COL6A3: variants seen among roughly 807,000 people sequenced by gnomAD.
COL6A3 encodes collagen alpha-3(VI) chain.
COL6A3 carries 137 observed loss-of-function variants against 274.1 expected under a neutral mutation model. The ratio of observed to expected loss-of-function variants is 0.50; its 90% CI spans 0.44 to 0.58. COL6A3 has a LOEUF of 0.58. Ranked by LOEUF, COL6A3 falls within the 20% of genes least tolerant of loss-of-function variation. The pLI is 0.00. For missense variants in COL6A3, 3,950 were observed against 4,124.9 expected (o/e 0.96, Z 1.16); for synonymous variants, 1,650 against 1,650.6 (o/e 1.00, Z 0.01).
Position 237,381,282 on chromosome 2 carries a change from G to A in COL6A3, c.1530C>T (p.Thr510=), listed in dbSNP as rs373281009. The change falls in exon 5 of 44, where the codon ACC becomes ACT. Residue 510 remains threonine (T), a synonymous_variant. Transcript: ENST00000295550. ...CCAGGGGCTTCATTTTCCGCACAGC[G>A]GTTATGACTTCCCTTTTTGTTGGAT... ...NTHPTKREVI[T]AVRKMKPLDG... 42 of 1,614,222 alleles carry A rather than the reference G, an allele frequency of 2.6e-5. No individual in the cohort carries two copies. The highest frequency in any genetic ancestry group is 4.0e-5 in the African/African-American group (3 of 75,058).
rs755418747 is a variant in COL6A3, at chr2:237,374,501, A to G, written c.3590T>C (p.Val1197Ala). Residue 1197 changes from valine to alanine, a missense_variant, in exon 8 of 44, where the codon GTC becomes GCC. By Grantham distance (64) the Val-to-Ala change is moderately conservative (BLOSUM62 0). Around this residue, in one of 5 missense-constraint regions of COL6A3, gnomAD observed 1,934 missense variants for 1,984.3 expected, o/e 0.97. Transcript: ENST00000295550. The surrounding 1 kb of genome is among the most constrained non-coding windows in gnomAD (Gnocchi z 4.8). The stretch of plus-strand genomic sequence containing the variant: ...CACCCTCTCAGAGATGACCTGTTGG[A>G]CGGTCCCCAGCTGGCGAAAGGTGGG... ...AIPTFRQLGT[V>A]QQVISERVTQ... The G allele has an allele frequency of 1.2e-6, 2 of 1,614,096 alleles. No individual in the cohort carries two copies. The highest frequency in any genetic ancestry group is 1.7e-6 in the Non-Finnish European group (2 of 1,180,008).
In COL6A3 at chr2:237,346,522, G is replaced by C. The variant is rs2077100212; in HGVS notation, c.7073C>G (p.Pro2358Arg). 1.2e-6 allele frequency: 2 copies of C among 1,614,062 alleles called. No individual in the cohort carries two copies. Among genetic ancestry groups the C allele is most frequent in the Non-Finnish European group, 1.7e-6 (2 of 1,179,956 alleles). The change falls in exon 32 of 44, where the codon CCT becomes CGT. Residue 2358 changes from proline (P) to arginine (R), a missense_variant. This residue lies in a region of COL6A3 where 1,284 missense variants were observed against 1,349.7 expected (regional missense o/e 0.95). Coordinates refer to ENST00000295550, the MANE Select transcript of COL6A3 (RefSeq NM_004369.4). ...PPGIVGQKGDPGYPGPAGPKG... is the reference protein window; with the variant it reads ...PPGIVGQKGDRGYPGPAGPKG... ...ACTTACAGCTGGTCCTGGGTAGCCA[G>C]GGTCTCCCTTCTGTCCAACTATCCC...
Position 237,371,510 on chromosome 2 carries a change from T to C in COL6A3, c.4285+222A>G. 3.2e-6 allele frequency: 3 copies of C among 948,680 alleles called. No homozygotes were observed. The highest frequency in any genetic ancestry group is 5.4e-5 in the South Asian group (2 of 37,280). 58.8% of individuals were successfully genotyped at this position (948,680 alleles called of 1,614,324 possible). ...CTACTGAGGAGGCTGAAGTGGGAGG[T>C]TGGCTGGATCCCAGAAGGCAGAGGT... On this transcript the variant is annotated intron_variant, in intron 9 of 43. Coordinates refer to ENST00000295550, the MANE Select transcript of COL6A3 (RefSeq NM_004369.4). The surrounding 1 kb of genome is among the most constrained non-coding windows in gnomAD (Gnocchi z 4.3).
At chr2:237,330,543 T>C (rs1042730677) in intron 42 of COL6A3, among the ~76,000 whole-genome samples, 3 of 152,192 alleles carry the variant, frequency 2.0e-5, no homozygotes, top group African/African-American at 7.2e-5. Context: ...TCATGTAATA[T>C]TGTAAAGCTG....
At chr2:237,408,062 G>C (rs921581053) in intron 1 of COL6A3, among the ~76,000 whole-genome samples, 1 of 152,128 alleles carries the variant, frequency 6.6e-6, no homozygotes, top group African/African-American at 2.4e-5. Context: ...TGGCTGAAAG[G>C]TGCTCTCTTT....
intron 4 of COL6A3, among the ~76,000 whole-genome samples, chr2:237,386,058 C>T (rs118088291): frequency 0.012 from 1,853 of 152,334 alleles, 66 homozygotes; most frequent in Admixed American, 0.06. Context: ...AGTTCCAATG[C>T]ACAGATTAAG....
chr2:237,364,398 C>G lies in COL6A3; in HGVS notation c.5869G>C (p.Gly1957Arg). The G allele has an allele frequency of 1.2e-6, 2 of 1,613,984 alleles. No individual in the cohort carries two copies. The highest frequency in any genetic ancestry group is 8.5e-7 in the Non-Finnish European group (1 of 1,179,926). Residue 1957 changes from glycine to arginine, a missense_variant, in exon 13 of 44, where the codon GGA becomes CGA. Transcript: ENST00000295550. The surrounding 1 kb of genome is among the most constrained non-coding windows in gnomAD (Gnocchi z 4.6). ...GCTCTGTGTAAATCAGCCAGATCTC[C>G]GTCTGCTCCATCAGTAAAATGAATG... ...VVIHFTDGAD[G>R]DLADLHRASE...
chr2:237,334,971 G>C, intron 40 of COL6A3, 82 bp from the exon 41 acceptor site: 1 of 1,530,336 alleles, frequency 6.5e-7, no homozygotes, highest in Non-Finnish European at 9.0e-7. Flanking sequence ...AAATCTGAAA[G>C]GGATGTGTTA....
At chr2:237,358,692 A>G in intron 20 of COL6A3, 109 bp from the exon 21 acceptor site, 1 of 1,047,982 alleles carries the variant, frequency 9.5e-7, no homozygotes, top group East Asian at 2.4e-5. Flanking sequence ...AATGTTTACA[A>G]TTTACTCATT....
chr2:237,374,752 C>T lies in COL6A3; in HGVS notation c.3339G>A (p.Glu1113=). The T allele has an allele frequency of 6.2e-7, 1 of 1,613,904 alleles. No homozygotes were observed. The highest frequency in any genetic ancestry group is 8.5e-7 in the Non-Finnish European group (1 of 1,179,870). ...GPTPNTGAAL[E]FVLRNILVSS... is the part of the protein sequence containing the mutation. ...TGACCAGGATGTTCCTCAGGACAAA[C>T]TCCAGGGCGGCCCCGGTGTTGGGGG... Residue 1113 remains glutamate (E), a synonymous_variant, in exon 8 of 44, where the codon GAG becomes GAA. Coordinates refer to ENST00000295550, the MANE Select transcript of COL6A3 (RefSeq NM_004369.4). This position sits in a 1 kb window ranked among gnomAD's most constrained non-coding sequence, Gnocchi z 4.8.
intron 27 of COL6A3, 74 bp from the exon 28 acceptor site, chr2:237,350,283 G>GC (rs2106330810): frequency 7.0e-7 from 1 of 1,434,868 alleles, no homozygotes; most frequent in East Asian, 2.3e-5. Context: ...CCATGCTTTT[G>GC]CTCTAGGTAA....
At chr2:237,345,593 C>T (rs1293851369) in intron 32 of COL6A3, among the ~76,000 whole-genome samples, 1 of 152,188 alleles carries the variant, frequency 6.6e-6, no homozygotes, top group African/African-American at 2.4e-5. Context: ...CATTGAGCTG[C>T]CCTGGCTCCC....
chr2:237,336,424 G>A lies in COL6A3; in HGVS notation c.8676C>T (p.Thr2892=), dbSNP rs1288624074. ...PVTTTTKPVT[T]TTKPVTIINQ... ...TTATAATAGTCACAGGCTTTGTTGT[G>A]GTGGTTACAGGCTTTGTTGTGGTGG... Residue 2892 remains threonine, a synonymous_variant, in exon 40 of 44, where the codon ACC becomes ACT. Coordinates refer to ENST00000295550, the MANE Select transcript of COL6A3 (RefSeq NM_004369.4). 6 of 1,613,560 alleles carry A rather than the reference G, an allele frequency of 3.7e-6. No homozygotes were observed. Among genetic ancestry groups the A allele is most frequent in the Non-Finnish European group, 5.1e-6 (6 of 1,180,034 alleles).
chr2:237,371,855 C>T lies in COL6A3; in HGVS notation c.4162G>A (p.Val1388Met), dbSNP rs2077696598. Residue 1388 changes from valine (V) to methionine (M), a missense_variant, in exon 9 of 44, where the codon GTG becomes ATG. By Grantham distance (21) the Val-to-Met change is conservative. Transcript: ENST00000295550. The surrounding 1 kb of genome is among the most constrained non-coding windows in gnomAD (Gnocchi z 4.3). ...TCCCGGAAGGTGCTCACCGAGAACA[C>T]ATATTCGGGGCTCAGCGAGATCTTC... ...LVKISLSPEY[V>M]FSVSTFRELP... The T allele has an allele frequency of 1.2e-6, 2 of 1,608,626 alleles. No individual in the cohort carries two copies. The highest frequency in any genetic ancestry group is 1.4e-5 in the African/African-American group (1 of 73,340).
chr2:237,395,969 C>T lies in COL6A3; in HGVS notation c.91+758G>A, dbSNP rs533536276. ...GAGGTGCCCTTCTGCAGCTGTGAGC[C>T]AGGCTTGCTGCTGGACTCTACTTAC... is the stretch of plus-strand genomic sequence containing the variant. On this transcript the variant is annotated intron_variant, in intron 2 of 43. Transcript: ENST00000295550. Among the ~76,000 whole-genome samples, 3 of 152,310 alleles carry T rather than the reference C, an allele frequency of 2.0e-5. No individual in the cohort carries two copies. The South Asian group carries it at 6.2e-4, about 32-fold the overall frequency.
chr2:237,387,035 C>T (rs2078160709), intron 4 of COL6A3, among the ~76,000 whole-genome samples: 1 of 152,128 alleles, frequency 6.6e-6, no homozygotes, highest in African/African-American at 2.4e-5. Context: ...AAAAAAACTT[C>T]ATAAATATTT....
rs775666497 is a variant in COL6A3 at position 237,345,205 on chromosome 2, C to T, written c.7101G>A (p.Lys2367=). 6.2e-7 allele frequency: 1 copy of T among 1,614,142 alleles called. No individual in the cohort carries two copies. Among genetic ancestry groups the T allele is most frequent in the Non-Finnish European group, 8.5e-7 (1 of 1,180,044 alleles). The change falls in exon 33 of 44, where the codon AAG becomes AAA. Residue 2367 remains lysine (K), a synonymous_variant. Coordinates refer to ENST00000295550, the MANE Select transcript of COL6A3 (RefSeq NM_004369.4). ...CATCGATGGAGTCGCCCCTGTTGCC[C>T]TTGGGACCCTGTAAAACCAAGGAAC... ...DPGYPGPAGP[K]GNRGDSIDQC... is the part of the protein sequence containing the mutation.
intron 24 of COL6A3, among the ~76,000 whole-genome samples, chr2:237,354,086 A>G (rs2077265108): frequency 6.7e-6 from 1 of 149,678 alleles, no homozygotes; most frequent in African/African-American, 2.5e-5. Context: ...ATCTTGGCTC[A>G]CTGCAACCTC....
intron 1 of COL6A3, among the ~76,000 whole-genome samples, chr2:237,404,106 T>A (rs573795819): frequency 8.5e-5 from 13 of 152,306 alleles, no homozygotes; most frequent in Admixed American, 3.3e-4. Context: ...CGTCAATTTT[T>A]TTTTAGCAAA....
Sources: allele counts gnomAD v4.1 joint callset (sites outside exome capture counted in the v4.1 genomes callset), GRCh38; gene constraint gnomAD v4.1.1; regional missense constraint gnomAD v4.1.1; non-coding constraint Gnocchi (gnomAD v3.1); transcripts MANE v1.5; gene names NCBI Gene and HGNC (gene_info 2026-07-23, HGNC 2026-07-21).